Variants in ANKAR observed in about 807,000 individuals in gnomAD.
The protein encoded by ANKAR is ankyrin and armadillo repeat-containing protein.
ANKAR carries 136 observed loss-of-function variants against 146.2 expected under a neutral mutation model. The observed-to-expected ratio is 0.93, with a 90% CI of 0.81 to 1.07. The LOEUF is 1.07. Ranked by LOEUF, ANKAR falls within the 50% of genes least tolerant of loss-of-function variation. The probability of loss-of-function intolerance (pLI) is 0.00; values close to 1 mark genes in which losing one functional copy is unlikely to be tolerated. For synonymous variants in ANKAR, 500 were observed against 575.8 expected (o/e 0.87, Z 1.88); for missense variants, 1,567 against 1,679.9 (o/e 0.93, Z 1.18).
At position 189,704,944 on chromosome 2, in the gene ANKAR, TG is replaced by T. The variant is rs2038717528; in HGVS notation, c.1709-77del. 4 of 1,349,000 alleles carry T rather than the reference TG, an allele frequency of 3.0e-6. No individual in the cohort carries two copies. In the Admixed American group the frequency reaches 7.0e-5, roughly 24 times the overall value. The allele number at this position is 1,349,000 out of a possible 1,614,324, so 83.6% of individuals were successfully genotyped here. On this transcript the variant is annotated intron_variant, in intron 7 of 22. Transcript: ENST00000684021. ...ATCATACAATACTAAGCTCTGTGGC[TG>T]GATATCAATAAGGCATTTAGGTTTT...
In ANKAR at chr2:189,696,241, A is replaced by G. The variant is rs770521623; in HGVS notation, c.1580A>G (p.Asn527Ser). 28 of 1,614,044 alleles carry G rather than the reference A, an allele frequency of 1.7e-5. No individual in the cohort carries two copies. The highest frequency in any genetic ancestry group is 1.6e-4 in the South Asian group (15 of 91,086). Reference protein sequence around the residue: ...FSRKTSSSTINVSDEAGYTIF... With the variant: ...FSRKTSSSTISVSDEAGYTIF... Reference sequence around the variant, plus strand: ...CGTAAAACCTCAAGCTCAACAATCAATGTTTCAGATGAAGCAGGTTATACT... The same window carrying G: ...CGTAAAACCTCAAGCTCAACAATCAGTGTTTCAGATGAAGCAGGTTATACT... Residue 527 changes from asparagine to serine, a missense_variant, in exon 7 of 23, where the codon AAT becomes AGT. Transcript: ENST00000684021.
intron 7 of ANKAR, 109 bp downstream of exon 7, chr2:189,696,478 C>G: frequency 9.7e-6 from 10 of 1,031,560 alleles, no homozygotes; most frequent in Non-Finnish European, 1.4e-5. Flanking sequence ...TTAACTAGAG[C>G]AAAGTTGAGG....
intron 12 of ANKAR, among the ~76,000 whole-genome samples, chr2:189,724,706 G>A (rs1300411305): frequency 6.6e-6 from 1 of 152,022 alleles, no homozygotes; most frequent in African/African-American, 2.4e-5. Flanking sequence ...TGAACAATAA[G>A]GCCTTAATAG....
intron 19 of ANKAR, 133 bp downstream of exon 19, chr2:189,738,815 TC>T: frequency 1.8e-6 from 1 of 564,170 alleles, no homozygotes. Flanking sequence ...TATGTTTATA[TC>T]TACATGGAAC....
intron 18 of ANKAR, chr2:189,755,327 G>A: frequency 1.9e-6 from 3 of 1,613,422 alleles, no homozygotes; most frequent in Non-Finnish European, 1.7e-6. Flanking sequence ...AATAGTAAGT[G>A]CATGAGCCTC....
chr2:189,761,383 C>A, downstream of ANKAR: 3 of 1,553,268 alleles, frequency 1.9e-6, no homozygotes, highest in Non-Finnish European at 2.6e-6. Flanking sequence ...TTACTTTTTC[C>A]AAAAAAGTGG....
rs765934057 is a variant in ANKAR, at chr2:189,692,235, A to AT, written c.1040-17dup. The AT allele has an allele frequency of 6.3e-7, 1 of 1,578,962 alleles. No individual in the cohort carries two copies. Among genetic ancestry groups the AT allele is most frequent in the African/African-American group, 1.4e-5 (1 of 73,008 alleles). On this transcript the variant is annotated intron_variant, in intron 3 of 22. Coordinates refer to ENST00000684021, the MANE Select transcript of ANKAR (RefSeq NM_001378068.1). Reference sequence around the variant, plus strand: ...TGTGCTGTTCACTTTTTAAATAAAAATTTGTTTTCATTTTTGGAGATGACA... The same window carrying AT: ...TGTGCTGTTCACTTTTTAAATAAAAATTTTGTTTTCATTTTTGGAGATGACA...
At position 189,676,777 on chromosome 2, in the gene ANKAR, A is replaced by G; in HGVS notation, c.287A>G (p.Asp96Gly). Residue 96 changes from aspartate to glycine, a missense_variant, in exon 2 of 23, where the codon GAC becomes GGC. Transcript: ENST00000684021. ...LTPVDPTALL[D>G]YREVHQMIRE... ...CCCGTGGACCCTACTGCCCTCTTAG[A>G]CTATAGAGAGGTCCATCAAATGATA... 2 of 1,614,152 alleles carry G rather than the reference A, an allele frequency of 1.2e-6. No individual in the cohort carries two copies. The highest frequency in any genetic ancestry group is 1.7e-6 in the Non-Finnish European group (2 of 1,180,030).
At chr2:189,724,973 C>A (rs1198462558) in intron 12 of ANKAR, among the ~76,000 whole-genome samples, 1 of 152,054 alleles carries the variant, frequency 6.6e-6, no homozygotes, top group Non-Finnish European at 1.5e-5. Flanking sequence ...GCATTATATA[C>A]CATCTTTCTA....
chr2:189,700,719 T>C (rs2037942961), intron 7 of ANKAR, among the ~76,000 whole-genome samples: 1 of 152,246 alleles, frequency 6.6e-6, no homozygotes, highest in South Asian at 2.1e-4. Flanking sequence ...ATCATTATAC[T>C]CTGTATCTCC....
At chr2:189,745,739 A>G (rs1290435580) in intron 22 of ANKAR, among the ~76,000 whole-genome samples, 1 of 152,232 alleles carries the variant, frequency 6.6e-6, no homozygotes, top group Non-Finnish European at 1.5e-5. Flanking sequence ...AGTCACAAAC[A>G]GAAAGGAAGA....
intron 7 of ANKAR, among the ~76,000 whole-genome samples, chr2:189,701,923 C>T (rs1019585207): frequency 6.6e-6 from 1 of 152,026 alleles, no homozygotes; most frequent in Non-Finnish European, 1.5e-5. Context: ...TTAAATAGGC[C>T]TTTAATAATG....
intron 9 of ANKAR, among the ~76,000 whole-genome samples, chr2:189,710,292 A>C (rs1351020742): frequency 1.8e-4 from 1 of 5,418 alleles, no homozygotes; most frequent in East Asian, 0.056. Flanking sequence ...GATTTTATTT[A>C]AAGTATCTTT....
rs1478053438 is a variant in ANKAR, at chr2:189,695,036, C to T, written c.1363C>T (p.Gln455Ter). ...TTTCTATCAGCAACTATATAAGACACAGTGGTGGGGAGCCATAAATGAAAT... is the reference window on the plus strand; with the variant it reads ...TTTCTATCAGCAACTATATAAGACATAGTGGTGGGGAGCCATAAATGAAAT... ...ETFYQQLYKTQWWGAINEIVN... is the reference protein window; with the variant it reads ...ETFYQQLYKT Residue 455 changes from glutamine (Q) to a stop codon, truncating the protein, a stop_gained, in exon 6 of 23, where the codon CAG becomes TAG. Transcript: ENST00000684021. LOFTEE classifies it high-confidence loss of function. 1 of 1,610,330 alleles carries T rather than the reference C, an allele frequency of 6.2e-7. No individual in the cohort carries two copies. The highest frequency in any genetic ancestry group is 8.5e-7 in the Non-Finnish European group (1 of 1,178,130).
At chr2:189,717,556 AT>A (rs1031084352) in intron 10 of ANKAR, among the ~76,000 whole-genome samples, 17 of 152,338 alleles carry the variant, frequency 1.1e-4, no homozygotes, top group African/African-American at 4.1e-4. Context: ...AGAACTAGAA[AT>A]ACCATTTGAC....
chr2:189,724,740 T>C (rs2041672516), intron 12 of ANKAR, among the ~76,000 whole-genome samples: 1 of 152,160 alleles, frequency 6.6e-6, no homozygotes, highest in Admixed American at 6.5e-5. Context: ...CTTGATAGTA[T>C]ATGAAAAAAC....
chr2:189,727,713 TTTTG>T (rs1461532092), intron 12 of ANKAR, 139 bp from the exon 13 acceptor site: 2 of 1,018,724 alleles, frequency 2.0e-6, no homozygotes, highest in Non-Finnish European at 2.8e-6. Flanking sequence ...ATCTAGCCAG[TTTTG>T]TTTATTTCTA....
At chr2:189,742,979 CA>C (rs2043592724) in intron 20 of ANKAR, among the ~76,000 whole-genome samples, 3 of 124,810 alleles carry the variant, frequency 2.4e-5, no homozygotes, top group African/African-American at 5.8e-5. Context: ...CACACACACA[CA>C]CCCCTGAAAG....
intron 10 of ANKAR, among the ~76,000 whole-genome samples, chr2:189,716,806 C>G (rs2040524647): frequency 1.3e-5 from 2 of 151,718 alleles, no homozygotes; most frequent in Admixed American, 1.3e-4. Flanking sequence ...ACCATCTGAT[C>G]TTTGACAAAC....
Sources: allele counts gnomAD v4.1 joint callset (sites outside exome capture counted in the v4.1 genomes callset), GRCh38; gene constraint gnomAD v4.1.1; transcripts MANE v1.5; gene names NCBI Gene and HGNC (gene_info 2026-07-23, HGNC 2026-07-21).